The following DCLK1 variants were observed in gnomAD, a reference collection of about 807,000 sequenced individuals.
DCLK1 encodes serine/threonine-protein kinase DCLK1.
In DCLK1, 16 loss-of-function variants were observed where a neutral mutation model predicts 86.2. The ratio of observed to expected loss-of-function variants is 0.19; its 90% CI spans 0.13 to 0.28. The LOEUF (loss-of-function observed/expected upper bound fraction) is 0.28. Ranked by LOEUF, DCLK1 falls within the 10% of genes least tolerant of loss-of-function variation. The pLI, the probability that DCLK1 is intolerant of heterozygous loss-of-function variation, is 1.00. For missense variants in DCLK1, 590 were observed against 940.2 expected, an observed-to-expected ratio of 0.63 and a Z score of 4.87; for synonymous variants, 369 against 370.5, an observed-to-expected ratio of 1.00 and a Z score of 0.05.
intron 4 of DCLK1, among the ~76,000 whole-genome samples, chr13:35,891,704 G>A (rs1873654897): frequency 6.6e-6 from 1 of 152,164 alleles, no homozygotes; most frequent in African/African-American, 2.4e-5. Flanking sequence ...AAAGTGCTGT[G>A]CTTTGTCACC....
Position 35,861,534 on chromosome 13 carries a change from C to G in DCLK1, c.941-6941G>C, listed in dbSNP as rs567729744. ...CTCCCAGACCAGGTCCCCCTGCCAT[C>G]TGGTATTGCCCATTCCTTCATAGGC... On this transcript the variant is annotated intron_variant, in intron 5 of 16. Coordinates refer to ENST00000360631, the MANE Select transcript of DCLK1 (RefSeq NM_001330071.2). 9.8e-5 allele frequency among the ~76,000 whole-genome samples: 15 copies of G among 152,312 alleles called. No homozygotes were observed. In the South Asian group the frequency reaches 3.1e-3, roughly 32 times the overall value.
intron 3 of DCLK1, among the ~76,000 whole-genome samples, chr13:36,077,780 T>G (rs1420840686): frequency 6.6e-6 from 1 of 152,210 alleles, no homozygotes; most frequent in Non-Finnish European, 1.5e-5. Context: ...GCTAGCTTAT[T>G]CTGTATCAAA....
intron 3 of DCLK1, among the ~76,000 whole-genome samples, chr13:36,004,068 A>C (rs1473705970): frequency 6.6e-6 from 1 of 152,228 alleles, no homozygotes; most frequent in Non-Finnish European, 1.5e-5. Context: ...AAGTCATGGA[A>C]TTGATAACAA....
Position 36,072,294 on chromosome 13 carries a change from T to C in DCLK1, c.723+39575A>G, listed in dbSNP as rs145646338. On this transcript the variant is annotated intron_variant, in intron 3 of 16. Transcript: ENST00000360631. ...CCAGATATGCTTTCAGGGCATGCCA[T>C]TCTGCTGACTTGATTCCTATCTAAC... 5.4e-3 allele frequency among the ~76,000 whole-genome samples: 815 copies of C among 152,328 alleles called. 8 individuals carry two copies. Among genetic ancestry groups the C allele is most frequent in the Middle Eastern group, 0.027 (8 of 294 alleles).
At chr13:35,895,980 C>A (rs967784618) in intron 4 of DCLK1, among the ~76,000 whole-genome samples, 1 of 151,564 alleles carries the variant, frequency 6.6e-6, no homozygotes, top group Non-Finnish European at 1.5e-5. Flanking sequence ...CTCTCTCTAA[C>A]AAAAATTGCT....
intron 8 of DCLK1, among the ~76,000 whole-genome samples, chr13:35,835,348 C>A (rs1007362823): frequency 2.6e-5 from 4 of 152,176 alleles, no homozygotes; most frequent in Admixed American, 6.5e-5. Flanking sequence ...AAGCTGCTGG[C>A]TGACCAGCTC....
In DCLK1 at chr13:36,013,607, T is replaced by C. The variant is rs563066225; in HGVS notation, c.724-66150A>G. ...CGTTCTCAGATCTCCAGCTGCGTGC[T>C]GGGAGAACCACTGCTCTCTTCAAAG... On this transcript the variant is annotated intron_variant, in intron 3 of 16. Coordinates refer to ENST00000360631, the MANE Select transcript of DCLK1 (RefSeq NM_001330071.2). Among the ~76,000 whole-genome samples the C allele has an allele frequency of 5.0e-3, 754 of 152,262 alleles. 5 individuals are homozygous for C. Among genetic ancestry groups the C allele is most frequent in the African/African-American group, 0.016 (678 of 41,540 alleles).
chr13:35,861,938 G>T (rs1473824459), intron 5 of DCLK1, among the ~76,000 whole-genome samples: 2 of 151,278 alleles, frequency 1.3e-5, no homozygotes, highest in South Asian at 2.1e-4. Context: ...AGGCTGAGGC[G>T]GGAGAATGGC....
At chr13:35,993,769 TAATC>T (rs1880350378) in intron 3 of DCLK1, among the ~76,000 whole-genome samples, 1 of 151,844 alleles carries the variant, frequency 6.6e-6, no homozygotes, top group South Asian at 2.1e-4. Context: ...AGCCACAACT[TAATC>T]AGAACTACCT....
rs1211567417 is a variant in DCLK1, at chr13:35,770,938, C to T, written c.*3597G>A. On this transcript the variant is annotated 3_prime_UTR_variant, in exon 17 of 17. Transcript: ENST00000360631. ...TCAGCCTGGGGCACATTTTTATGGT[C>T]AAATTAAAAACCTTTGAGAATAGGA... is the stretch of plus-strand genomic sequence containing the variant. 6.6e-6 allele frequency: 1 copy of T among 152,096 alleles called. No individual in the cohort carries two copies. The highest frequency in any genetic ancestry group is 6.5e-5 in the Admixed American group (1 of 15,270). 9.4% of individuals were successfully genotyped at this position (152,096 alleles called of 1,614,324 possible). A position where few individuals can be genotyped will look rare whatever the true frequency, so the allele number is the denominator to read the frequency against.
intron 3 of DCLK1, among the ~76,000 whole-genome samples, chr13:35,993,099 G>A (rs576846459): frequency 6.6e-6 from 1 of 152,230 alleles, no homozygotes; most frequent in Admixed American, 6.5e-5. Flanking sequence ...CAGCACAATT[G>A]CTTGCTCAGC....
Position 35,784,645 on chromosome 13 carries a change from G to A in DCLK1, c.2058+8721C>T, listed in dbSNP as rs146595223. ...TTGAAGTTTAAATCTATGACTTTTCGATGTGTTAAACTGAATCCCCCAAAT... is the reference window on the plus strand; with the variant it reads ...TTGAAGTTTAAATCTATGACTTTTCAATGTGTTAAACTGAATCCCCCAAAT... On this transcript the variant is annotated intron_variant, in intron 16 of 16. Coordinates refer to ENST00000360631, the MANE Select transcript of DCLK1 (RefSeq NM_001330071.2). Among the ~76,000 whole-genome samples, 7 of 152,194 alleles carry A rather than the reference G, an allele frequency of 4.6e-5. No homozygotes were observed. In the East Asian group the frequency reaches 9.7e-4, roughly 21 times the overall value.
Position 35,810,951 on chromosome 13 carries a change from A to G in DCLK1, c.1572T>C (p.Asp524=), listed in dbSNP as rs763233801. 3.7e-6 allele frequency: 6 copies of G among 1,614,086 alleles called. No individual in the cohort carries two copies. In the Admixed American group the frequency reaches 1.0e-4, roughly 27 times the overall value. ...CACCCAGCTTCAGTGATTTGCTGCC[A>G]TCTTGGTGCTCATACACCTAAAACA... is the stretch of plus-strand genomic sequence containing the variant. ...PENLLVYEHQ[D]GSKSLKLGDF... The change falls in exon 12 of 17, where the codon GAT becomes GAC. Residue 524 remains aspartate (D), a synonymous_variant. Transcript: ENST00000360631.
intron 3 of DCLK1, among the ~76,000 whole-genome samples, chr13:35,976,691 C>T (rs1330952779): frequency 6.6e-6 from 1 of 151,538 alleles, no homozygotes; most frequent in Non-Finnish European, 1.5e-5. Flanking sequence ...CCACTGCGCC[C>T]GGCTAATTTT....
At chr13:35,890,880 GT>G (rs58356852) in intron 4 of DCLK1, among the ~76,000 whole-genome samples, 1,935 of 145,234 alleles carry the variant, frequency 0.013, 32 homozygotes, top group African/African-American at 0.045. Context: ...TTTTTTTTCT[GT>G]TTTTTTTTTC....
intron 4 of DCLK1, among the ~76,000 whole-genome samples, chr13:35,879,360 A>T (rs1254324133): frequency 6.6e-6 from 1 of 152,074 alleles, no homozygotes; most frequent in Non-Finnish European, 1.5e-5. Context: ...GGGAGCAGAA[A>T]CCTTATGTAA....
chr13:35,792,361 C>T (rs1392102887), intron 16 of DCLK1, among the ~76,000 whole-genome samples: 1 of 151,936 alleles, frequency 6.6e-6, no homozygotes, highest in Non-Finnish European at 1.5e-5. Context: ...ACTTGTTTAT[C>T]TTCAGTTTTT....
intron 5 of DCLK1, among the ~76,000 whole-genome samples, chr13:35,861,923 C>T (rs1278840853): frequency 6.7e-6 from 1 of 150,296 alleles, no homozygotes; most frequent in Non-Finnish European, 1.5e-5. Flanking sequence ...GTCCCAGCTA[C>T]TCGAAGGCTG....
chr13:35,961,235 A>G lies in DCLK1; in HGVS notation c.724-13778T>C, dbSNP rs142040125. Reference sequence around the variant, plus strand: ...TTGAAAGAATTTGATGAGATAATGCATGGACATGTCAGGCCCAATGCAAGT... The same window carrying G: ...TTGAAAGAATTTGATGAGATAATGCGTGGACATGTCAGGCCCAATGCAAGT... On this transcript the variant is annotated intron_variant, in intron 3 of 16. Transcript: ENST00000360631. Among the ~76,000 whole-genome samples, 446 of 152,322 alleles carry G rather than the reference A, an allele frequency of 2.9e-3. 17 individuals carry two copies. In the East Asian group the frequency reaches 0.062, roughly 21 times the overall value.
Sources: gnomAD v4.1 joint callset for allele counts (sites outside exome capture counted in the v4.1 genomes callset) on GRCh38, gnomAD v4.1.1 for gene constraint, MANE v1.5 for transcripts, NCBI Gene and HGNC (gene_info 2026-07-23, HGNC 2026-07-21) for gene names.